ARHGEF17: variants seen among roughly 807,000 people sequenced by gnomAD.
ARHGEF17 encodes the protein Rho guanine nucleotide exchange factor 17.
ARHGEF17 carries 80 observed loss-of-function variants against 174.0 expected under a neutral mutation model. The observed-to-expected ratio is 0.46, with a 90% CI of 0.38 to 0.55. ARHGEF17 has a LOEUF of 0.55. Among genes scored for constraint, ARHGEF17 ranks in the 20% least tolerant of loss-of-function variants. The probability of loss-of-function intolerance (pLI) is 0.00; values close to 1 mark genes in which losing one functional copy is unlikely to be tolerated. For missense variants in ARHGEF17, 2,886 were observed against 2,839.7 expected, an observed-to-expected ratio of 1.02 and a Z score of -0.37; for synonymous variants, 1,311 against 1,189.1, an observed-to-expected ratio of 1.10 and a Z score of -2.11.
chr11:73,324,844 A>G (rs570292387), intron 1 of ARHGEF17, among the ~76,000 whole-genome samples: 1 of 152,304 alleles, frequency 6.6e-6, no homozygotes, highest in East Asian at 1.9e-4. Context: ...CTCAGTAAAT[A>G]TTAGTTGAAT....
intron 2 of ARHGEF17, chr11:73,347,226 A>G: frequency 1.8e-6 from 1 of 544,990 alleles, no homozygotes; most frequent in African/African-American, 1.9e-5. Flanking sequence ...CCCCCTGGCA[A>G]CCCTGACCCT....
rs761069801 is a variant in ARHGEF17 at position 73,364,207 on chromosome 11, A to G, written c.5369A>G (p.Asn1790Ser). The stretch of plus-strand genomic sequence containing the variant: ...AACCAGGTGTTTGTGTCTCTGGCCA[A>G]TGGAGAGCTTGTGGTCTACCAAAGG... ...LNNQVFVSLA[N>S]GELVVYQREA... Residue 1790 changes from asparagine to serine, a missense_variant, in exon 17 of 21, where the codon AAT (asparagine) becomes AGT (serine). This residue lies in a region of ARHGEF17 where 329 missense variants were observed against 435.2 expected (regional missense o/e 0.76). Transcript: ENST00000263674. 1.2e-5 allele frequency: 19 copies of G among 1,613,982 alleles called. No homozygotes were observed. In the East Asian group the frequency reaches 1.6e-4, roughly 13 times the overall value.
rs553216026 is a variant in ARHGEF17 at position 73,310,222 on chromosome 11, T to A, written c.1584T>A (p.Pro528=). ...EPIPIPAPAS[P]GTRPTLKDLT... is the part of the protein sequence containing the mutation. ...TACCCATCCCAGCCCCAGCATCACC[T>A]GGCACGCGCCCCACACTCAAGGACT... is the stretch of plus-strand genomic sequence containing the variant. The change falls in exon 1 of 21, where the codon CCT becomes CCA. Residue 528 remains proline (P), a synonymous_variant. Transcript: ENST00000263674. The A allele has an allele frequency of 2.2e-5, 35 of 1,613,972 alleles. No individual in the cohort carries two copies. In the South Asian group the frequency reaches 2.2e-4, roughly 10 times the overall value.
At chr11:73,361,216 A>T in intron 12 of ARHGEF17, 55 bp downstream of exon 12, 1 of 1,557,392 alleles carries the variant, frequency 6.4e-7, no homozygotes, top group African/African-American at 1.4e-5. Flanking sequence ...GCAGGTGTTC[A>T]TGAATTTTTG....
intron 1 of ARHGEF17, 52 bp downstream of exon 1, chr11:73,311,882 A>T: frequency 6.5e-7 from 1 of 1,534,960 alleles, no homozygotes. Context: ...GGCCATGGGC[A>T]CCGACTTCGG....
chr11:73,358,453 C>CTTTTT (rs1172357794), intron 9 of ARHGEF17, among the ~76,000 whole-genome samples: 26 of 93,294 alleles, frequency 2.8e-4, no homozygotes, highest in African/African-American at 4.9e-4. Context: ...AGGTCCGCCT[C>CTTTTT]TTTTTTTTTT....
rs78465712 is a variant in ARHGEF17 at position 73,309,588 on chromosome 11, G to C, written c.950G>C (p.Ser317Thr). The C allele has an allele frequency of 0.017, 27,837 of 1,612,738 alleles. 3,215 individuals carry two copies. In the African/African-American group the frequency reaches 0.28, roughly 16 times the overall value. ...GACAGTGATGGGTTAAATCTAAGCA[G>C]CATGAACTCAGCAGGGGTTTCTGGG... ...RPDSDGLNLS[S>T]MNSAGVSGSP... is the part of the protein sequence containing the mutation. The change falls in exon 1 of 21, where the codon AGC becomes ACC. Residue 317 changes from serine (S) to threonine (T), a missense_variant. By Grantham distance (58) the Ser-to-Thr change is moderately conservative. Coordinates refer to ENST00000263674, the MANE Select transcript of ARHGEF17 (RefSeq NM_014786.4).
intron 12 of ARHGEF17, 67 bp downstream of exon 12, chr11:73,361,228 G>A: frequency 3.4e-6 from 5 of 1,450,758 alleles, no homozygotes; most frequent in Non-Finnish European, 4.8e-6. Flanking sequence ...GAATTTTTGT[G>A]TACGACATTG....
chr11:73,362,470 G>A lies in ARHGEF17; in HGVS notation c.4732G>A (p.Ala1578Thr), dbSNP rs1170452617. Residue 1578 changes from alanine to threonine, a missense_variant, in exon 14 of 21, where the codon GCA (alanine) becomes ACA (threonine). By Grantham distance (58) the Ala-to-Thr change is moderately conservative. Transcript: ENST00000263674. The part of the protein sequence containing the change: ...PPSLRSPPET[A>T]PEPAGPELDV... ...GTCGCTGAGGAGTCCTCCAGAGACG[G>A]CACCGGAGCCCGCCGGGCCGGAGCT... 6.9e-6 allele frequency: 11 copies of A among 1,590,476 alleles called. No homozygotes were observed. The highest frequency in any genetic ancestry group is 8.5e-6 in the Non-Finnish European group (10 of 1,172,218).
chr11:73,356,380 A>AAACC, intron 6 of ARHGEF17, 29 bp downstream of exon 6: 1 of 1,159,828 alleles, frequency 8.6e-7, no homozygotes, highest in Non-Finnish European at 1.1e-6. Context: ...ACCCCACCCT[A>AAACC]CCCCACCCCA....
intron 1 of ARHGEF17, among the ~76,000 whole-genome samples, chr11:73,320,363 CTG>C (rs1158687314): frequency 6.6e-6 from 1 of 151,856 alleles, no homozygotes; most frequent in Non-Finnish European, 1.5e-5. Context: ...CGGCCGGGCG[CTG>C]TGTCTCATGC....
At chr11:73,354,107 G>T (rs563789468) in intron 3 of ARHGEF17, among the ~76,000 whole-genome samples, 7 of 152,210 alleles carry the variant, frequency 4.6e-5, no homozygotes, top group Non-Finnish European at 8.8e-5. Context: ...TATGCTGTGG[G>T]GTGGGGCCTT....
chr11:73,315,180 T>G (rs1302292838), intron 1 of ARHGEF17, among the ~76,000 whole-genome samples: 1 of 152,078 alleles, frequency 6.6e-6, no homozygotes, highest in Non-Finnish European at 1.5e-5. Context: ...GCCATCTGAG[T>G]AGCGGGGACA....
chr11:73,347,195 T>TACCCTGCTGTTCTTCCACGTCCCC, intron 2 of ARHGEF17: 1 of 613,324 alleles, frequency 1.6e-6, no homozygotes, highest in Non-Finnish European at 3.0e-6. Flanking sequence ...CAGGCGTCCC[T>TACCCTGCTGTTCTTCCACGTCCCC]ACCCTGCTGT....
Position 73,311,324 on chromosome 11 carries a change from C to T in ARHGEF17, c.2686C>T (p.Pro896Ser). The T allele has an allele frequency of 6.2e-7, 1 of 1,613,348 alleles. No individual in the cohort carries two copies. The highest frequency in any genetic ancestry group is 8.5e-7 in the Non-Finnish European group (1 of 1,180,032). The change falls in exon 1 of 21, where the codon CCT becomes TCT. Residue 896 changes from proline (P) to serine (S), a missense_variant. Transcript: ENST00000263674. ...GGCCCTACCTGAGGCTCTGCCTCCC[C>T]CTGCCACTGCCCACCGAAACTTTCA... ...ERALPEALPP[P>S]ATAHRNFHLD...
At chr11:73,317,092 C>T (rs1017128576) in intron 1 of ARHGEF17, among the ~76,000 whole-genome samples, 3 of 152,116 alleles carry the variant, frequency 2.0e-5, no homozygotes, top group Non-Finnish European at 4.4e-5. Flanking sequence ...GAAAAGTCCC[C>T]AGGGTGGACT....
chr11:73,355,655 G>A lies in ARHGEF17; in HGVS notation c.3570+6G>A. ...CCTTTCTCAAGTTCCTAGAGGTACT[G>A]TGGGCTAGGGCAGGGGGATGGAGGT... is the stretch of plus-strand genomic sequence containing the variant. On this transcript the variant is annotated splice_donor_region_variant and intron_variant, in intron 4 of 20. Transcript: ENST00000263674. 1 of 1,611,838 alleles carries A rather than the reference G, an allele frequency of 6.2e-7. No individual in the cohort carries two copies. Among genetic ancestry groups the A allele is most frequent in the African/African-American group, 1.3e-5 (1 of 75,018 alleles).
rs756305140 is a variant in ARHGEF17, at chr11:73,310,791, G to T, written c.2153G>T (p.Gly718Val). The part of the protein sequence containing the change: ...RRRKVPPSGS[G>V]GSELSNGEAG... The stretch of plus-strand genomic sequence containing the variant: ...CGCAAAGTCCCACCTTCAGGTTCTG[G>T]TGGGAGCGAATTGAGCAATGGGGAG... Residue 718 changes from glycine (G) to valine (V), a missense_variant, in exon 1 of 21, where the codon GGT (glycine) becomes GTT (valine). Coordinates refer to ENST00000263674, the MANE Select transcript of ARHGEF17 (RefSeq NM_014786.4). The T allele has an allele frequency of 1.2e-5, 19 of 1,612,208 alleles. No homozygotes were observed. The highest frequency in any genetic ancestry group is 1.6e-5 in the Non-Finnish European group (19 of 1,179,632).
chr11:73,363,409 C>A lies in ARHGEF17; in HGVS notation c.5200C>A (p.Pro1734Thr). ...CCTTGAGGACCTGCTGAGTGTCGAC[C>A]CTGAGGCCTACCAGAGCTCCGTGTG... ...GSLEDLLSVD[P>T]EAYQSSVWLG... Residue 1734 changes from proline (P) to threonine (T), a missense_variant, in exon 15 of 21, where the codon CCT becomes ACT. Coordinates refer to ENST00000263674, the MANE Select transcript of ARHGEF17 (RefSeq NM_014786.4). The A allele has an allele frequency of 6.2e-7, 1 of 1,613,376 alleles. No individual in the cohort carries two copies.
Sources: gnomAD v4.1 joint callset for allele counts (sites outside exome capture counted in the v4.1 genomes callset) on GRCh38, gnomAD v4.1.1 for gene constraint, gnomAD v4.1.1 regional missense constraint, MANE v1.5 for transcripts, NCBI Gene and HGNC (gene_info 2026-07-23, HGNC 2026-07-21) for gene names.